MON2: variants seen among roughly 807,000 people sequenced by gnomAD.
MON2 encodes the protein MON2 regulator of endosome-to-Golgi trafficking, also known as protein MON2 homolog.
In MON2, 84 loss-of-function variants were observed where a neutral mutation model predicts 208.6. That is an observed-to-expected ratio of 0.40 (90% CI 0.34 to 0.48). The LOEUF is 0.48. Ranked by LOEUF, MON2 falls within the 20% of genes least tolerant of loss-of-function variation. The probability of loss-of-function intolerance (pLI) is 0.59; values close to 1 mark genes in which losing one functional copy is unlikely to be tolerated. For synonymous variants in MON2, 660 were observed against 694.0 expected (o/e 0.95, Z 0.77); for missense variants, 1,611 against 2,015.4 (o/e 0.80, Z 3.84).
intron 19 of MON2, among the ~76,000 whole-genome samples, chr12:62,539,544 G>A (rs1406091809): frequency 1.3e-5 from 2 of 151,946 alleles, no homozygotes; most frequent in East Asian, 1.9e-4. Context: ...TGGGATTACA[G>A]GCATGAGCCA....
intron 26 of MON2, 97 bp from the exon 27 acceptor site, chr12:62,565,140 A>C: frequency 8.3e-7 from 1 of 1,202,270 alleles, no homozygotes; most frequent in Middle Eastern, 2.2e-4. Context: ...AAAATAAGAC[A>C]GTTTTTAAGA....
intron 14 of MON2, among the ~76,000 whole-genome samples, chr12:62,536,372 T>C (rs1358378205): frequency 2.0e-5 from 3 of 152,176 alleles, no homozygotes; most frequent in Non-Finnish European, 4.4e-5. Context: ...TAGGGTTTTT[T>C]TGTTTATACT....
At chr12:62,570,584 A>G (rs1236305062) in intron 29 of MON2, among the ~76,000 whole-genome samples, 2 of 152,124 alleles carry the variant, frequency 1.3e-5, no homozygotes, top group African/African-American at 4.8e-5. Context: ...GATATAGCCT[A>G]CTTCACACCT....
chr12:62,468,585 A>G (rs74098032), intron 1 of MON2, among the ~76,000 whole-genome samples: 2,387 of 152,328 alleles, frequency 0.016, 72 homozygotes, highest in African/African-American at 0.056. Context: ...TTTCTTTAAT[A>G]AAGTATTACC....
chr12:62,563,088 G>A (rs997811212), intron 26 of MON2, among the ~76,000 whole-genome samples: 4 of 152,102 alleles, frequency 2.6e-5, no homozygotes, highest in Admixed American at 2.0e-4. Context: ...ATTAATCACC[G>A]GGGCTGCCGG....
At chr12:62,485,670 G>A (rs1439372061) in intron 2 of MON2, among the ~76,000 whole-genome samples, 2 of 152,144 alleles carry the variant, frequency 1.3e-5, no homozygotes, top group Non-Finnish European at 2.9e-5. Flanking sequence ...ACATGGTAGG[G>A]TTAGGAAGGC....
chr12:62,508,744 C>A, intron 8 of MON2: 1 of 363,056 alleles, frequency 2.8e-6, no homozygotes, highest in Non-Finnish European at 5.0e-6. Flanking sequence ...TGGAACTCAG[C>A]TTCTTAGCTA....
chr12:62,569,447 T>C (rs1207282845), intron 29 of MON2, among the ~76,000 whole-genome samples: 1 of 152,168 alleles, frequency 6.6e-6, no homozygotes, highest in African/African-American at 2.4e-5. Context: ...AAAAACCACA[T>C]TTCTTTCTCC....
chr12:62,494,096 A>T, intron 3 of MON2, 54 bp downstream of exon 3: 1 of 1,493,032 alleles, frequency 6.7e-7, no homozygotes, highest in Non-Finnish European at 9.2e-7. Context: ...AGAAGTTTTC[A>T]TGAAAGGAGA....
Position 62,571,550 on chromosome 12 carries a change from C to T in MON2, c.4482C>T (p.Ala1494=). 10 of 1,611,638 alleles carry T rather than the reference C, an allele frequency of 6.2e-6. No homozygotes were observed. The highest frequency in any genetic ancestry group is 7.6e-6 in the Non-Finnish European group (9 of 1,179,286). Residue 1494 remains alanine, a synonymous_variant, in exon 30 of 35, where the codon GCC becomes GCT. Coordinates refer to ENST00000393630, the MANE Select transcript of MON2 (RefSeq NM_015026.3). ...GKFDSMWPEL[A]NTFEDFLFTK... ...TTGACAGTATGTGGCCAGAACTAGC[C>T]AATACTTTTGAAGATTTTCTCTTTA...
At position 62,560,843 on chromosome 12, in the gene MON2, T is replaced by TA. The variant is rs1395726626; in HGVS notation, c.3763dup (p.Thr1255AsnfsTer2). 6.2e-7 allele frequency: 1 copy of TA among 1,614,136 alleles called. No individual in the cohort carries two copies. Among genetic ancestry groups the TA allele is most frequent in the Non-Finnish European group, 8.5e-7 (1 of 1,179,996 alleles). The stretch of plus-strand genomic sequence containing the variant: ...CCTGGTATAGAATTGGATCTGAAAG[T>TA]ACTAAGCCTCCTATTACTTTTGATA... On this transcript the variant is annotated frameshift_variant, in exon 26 of 35. Coordinates refer to ENST00000393630, the MANE Select transcript of MON2 (RefSeq NM_015026.3). LOFTEE classifies it high-confidence loss of function.
Position 62,553,069 on chromosome 12 carries a change from TC to T in MON2, c.3109del (p.Arg1037ValfsTer81). On this transcript the variant is annotated frameshift_variant, in exon 24 of 35. Transcript: ENST00000393630. LOFTEE classifies it high-confidence loss of function. ...CAAAATTGGGTGAACTATGTGTGGATCCCCGTCCTGCTGTCAGGAAGAGTGC... is the reference window on the plus strand; with the variant it reads ...CAAAATTGGGTGAACTATGTGTGGATCCCGTCCTGCTGTCAGGAAGAGTGC... ...YAKLGELCVD[P>X]RPAVRKSAGQ... is the part of the protein sequence containing the mutation. 1 of 1,614,172 alleles carries T rather than the reference TC, an allele frequency of 6.2e-7. No individual in the cohort carries two copies. The highest frequency in any genetic ancestry group is 8.5e-7 in the Non-Finnish European group (1 of 1,180,028).
intron 2 of MON2, among the ~76,000 whole-genome samples, chr12:62,485,381 G>C (rs944706142): frequency 6.6e-6 from 1 of 152,162 alleles, no homozygotes; most frequent in African/African-American, 2.4e-5. Flanking sequence ...GTAACTGGTG[G>C]GATTTCAGAG....
chr12:62,553,500 C>G (rs2073837290), intron 24 of MON2: 1 of 203,270 alleles, frequency 4.9e-6, no homozygotes. Context: ...GGTAATCAAT[C>G]CCTTACCATA....
chr12:62,521,672 A>G (rs1015224610), intron 8 of MON2, among the ~76,000 whole-genome samples: 4 of 152,220 alleles, frequency 2.6e-5, no homozygotes, highest in African/African-American at 9.7e-5. Flanking sequence ...TAGAGTGACT[A>G]GAGGAAATTA....
intron 12 of MON2, 97 bp downstream of exon 12, chr12:62,532,767 A>G (rs951766728): frequency 7.2e-6 from 6 of 833,180 alleles, no homozygotes; most frequent in East Asian, 2.7e-5. Context: ...TGACTTCTCA[A>G]GTGTTAACCA....
At chr12:62,543,058 C>T (rs372143100) in intron 19 of MON2, 39 bp from the exon 20 acceptor site, 1 of 1,118,628 alleles carries the variant, frequency 8.9e-7, no homozygotes, top group Non-Finnish European at 1.3e-6. Flanking sequence ...ACTCAGAATT[C>T]TCCTTATACT....
At chr12:62,540,748 G>T (rs1490293477) in intron 19 of MON2, among the ~76,000 whole-genome samples, 1 of 152,088 alleles carries the variant, frequency 6.6e-6, no homozygotes, top group Non-Finnish European at 1.5e-5. Context: ...AGTAAATATG[G>T]AATGGAAATT....
At chr12:62,538,370 A>T (rs1284670195) in intron 18 of MON2, 45 bp downstream of exon 18, 4 of 1,587,870 alleles carry the variant, frequency 2.5e-6, no homozygotes, top group Middle Eastern at 1.7e-4. Context: ...GTTATTTGTT[A>T]TATATTTTAG....
Sources: gnomAD v4.1 joint callset for allele counts (sites outside exome capture counted in the v4.1 genomes callset) on GRCh38, gnomAD v4.1.1 for gene constraint, MANE v1.5 for transcripts, NCBI Gene and HGNC (gene_info 2026-07-23, HGNC 2026-07-21) for gene names.